TNR: variants seen among roughly 807,000 people sequenced by gnomAD.
TNR encodes tenascin-R.
A neutral mutation model predicts 150.4 loss-of-function variants in TNR; 45 were observed. That is an observed-to-expected ratio of 0.30 (90% CI 0.24 to 0.38). TNR has a LOEUF of 0.38. TNR is among the 10% of genes least tolerant of loss of function. The pLI is 1.00. For missense variants in TNR, 1,544 were observed against 1,759.1 expected (o/e 0.88, Z 2.19); for synonymous variants, 687 against 678.4 (o/e 1.01, Z -0.20).
chr1:175,498,568 G>A (rs1433915955), intron 2 of TNR, among the ~76,000 whole-genome samples: 8 of 152,192 alleles, frequency 5.3e-5, no homozygotes, highest in Admixed American at 2.6e-4. Context: ...CACAGCTCTT[G>A]TTAGCCTAAC....
intron 8 of TNR, among the ~76,000 whole-genome samples, chr1:175,381,208 G>A (rs1489074583): frequency 6.6e-6 from 1 of 152,192 alleles, no homozygotes; most frequent in African/African-American, 2.4e-5. Flanking sequence ...CTGCATTGTT[G>A]CCCCTAAATT....
In TNR at chr1:175,366,081, A is replaced by T; in HGVS notation, c.2111T>A (p.Leu704His). The change falls in exon 11 of 23, where the codon CTC becomes CAC. Residue 704 changes from leucine (L) to histidine (H), a missense_variant. Around this residue, in one of 2 missense-constraint regions of TNR, gnomAD observed 1,254 missense variants for 1,329.4 expected, o/e 0.94. Transcript: ENST00000367674. ...VTASSETSIS[L>H]IWTKASGPID... ...GGGGCCACTGGCCTTGGTCCAGATG[A>T]GGGAGATGGAGGTCTCCGAGGAGGC... 1 of 1,613,630 alleles carries T rather than the reference A, an allele frequency of 6.2e-7. No homozygotes were observed. The highest frequency in any genetic ancestry group is 8.5e-7 in the Non-Finnish European group (1 of 1,179,714).
chr1:175,337,092 T>C (rs1650286267), intron 19 of TNR, among the ~76,000 whole-genome samples: 1 of 152,078 alleles, frequency 6.6e-6, no homozygotes, highest in Non-Finnish European at 1.5e-5. Flanking sequence ...ACAGGATTTC[T>C]CCATGTTGGC....
intron 1 of TNR, among the ~76,000 whole-genome samples, chr1:175,652,070 A>C (rs992190602): frequency 1.3e-5 from 2 of 149,102 alleles, no homozygotes; most frequent in Non-Finnish European, 3.0e-5. Context: ...AAAGCTATAT[A>C]CTAAAAATCT....
At chr1:175,438,236 A>G (rs1333172190) in intron 2 of TNR, among the ~76,000 whole-genome samples, 2 of 152,238 alleles carry the variant, frequency 1.3e-5, no homozygotes, top group Non-Finnish European at 2.9e-5. Flanking sequence ...ATGCAAATCA[A>G]TAAACATAAT....
chr1:175,497,870 G>A (rs1437104293), intron 2 of TNR, among the ~76,000 whole-genome samples: 1 of 152,130 alleles, frequency 6.6e-6, no homozygotes, highest in African/African-American at 2.4e-5. Context: ...GACCAGCCTG[G>A]CCAACATGGT....
intron 1 of TNR, among the ~76,000 whole-genome samples, chr1:175,626,249 A>G (rs577055234): frequency 1.4e-4 from 22 of 152,212 alleles, no homozygotes; most frequent in African/African-American, 2.2e-4. Context: ...GCACTAATAC[A>G]TTCCTGTTCG....
rs1020841399 is a variant in TNR, at chr1:175,599,177, C to A, written c.-164-70808G>T. ...AGAAGAGAGGAGGGAGGAAGGAGAG[C>A]AGGAGGGAGGGGAAGCTGTCCCCAG... On this transcript the variant is annotated intron_variant, in intron 1 of 22. Transcript: ENST00000367674. This position sits in a 1 kb window ranked among gnomAD's most constrained non-coding sequence, Gnocchi z 4.7. Among the ~76,000 whole-genome samples, 1 of 152,070 alleles carries A rather than the reference C, an allele frequency of 6.6e-6. No individual in the cohort carries two copies. Among genetic ancestry groups the A allele is most frequent in the Non-Finnish European group, 1.5e-5 (1 of 68,004 alleles).
At chr1:175,518,279 C>T (rs188526538) in intron 2 of TNR, among the ~76,000 whole-genome samples, 60 of 152,318 alleles carry the variant, frequency 3.9e-4, no homozygotes, top group Non-Finnish European at 7.9e-4. Flanking sequence ...ATGCCTTGTA[C>T]AAGCAAGAGC....
chr1:175,670,089 C>G (rs1665649213), intron 1 of TNR, among the ~76,000 whole-genome samples: 1 of 152,238 alleles, frequency 6.6e-6, no homozygotes, highest in Admixed American at 6.5e-5. Flanking sequence ...AGTCAGCCAG[C>G]AGGAACAGGC....
chr1:175,509,016 T>C (rs1318785023), intron 2 of TNR, among the ~76,000 whole-genome samples: 8 of 152,224 alleles, frequency 5.3e-5, no homozygotes, highest in Non-Finnish European at 1.5e-5. Flanking sequence ...AAGTAGATGA[T>C]AGATTCTTTG....
chr1:175,431,936 C>CCTTCTCTCTCTCTCTCT (rs1655289440), intron 2 of TNR, among the ~76,000 whole-genome samples: 1 of 52,352 alleles, frequency 1.9e-5, no homozygotes, highest in African/African-American at 1.4e-4. Context: ...TCTCTCTCTC[C>CCTTCTCTCTCTCTCTCT]CTCTGTCTCT....
intron 2 of TNR, among the ~76,000 whole-genome samples, chr1:175,527,739 A>G (rs1296017655): frequency 1.3e-5 from 2 of 152,220 alleles, no homozygotes; most frequent in Admixed American, 1.3e-4. Flanking sequence ...CTTTAGACAT[A>G]TATATGTGGT....
At chr1:175,439,113 G>T (rs1313692670) in intron 2 of TNR, among the ~76,000 whole-genome samples, 2 of 152,164 alleles carry the variant, frequency 1.3e-5, no homozygotes, top group African/African-American at 2.4e-5. Flanking sequence ...CACGCTATCT[G>T]ACGTCAAACT....
intron 18 of TNR, among the ~76,000 whole-genome samples, chr1:175,346,198 G>A (rs1199410894): frequency 1.3e-5 from 2 of 152,160 alleles, no homozygotes; most frequent in Non-Finnish European, 2.9e-5. Context: ...AGAGTGACAA[G>A]TTCTAGAGAT....
At chr1:175,665,313 C>A (rs1187162233) in intron 1 of TNR, among the ~76,000 whole-genome samples, 1 of 152,204 alleles carries the variant, frequency 6.6e-6, no homozygotes, top group African/African-American at 2.4e-5. Context: ...TCTCTGTGAG[C>A]TGGTTTTCCT....
intron 1 of TNR, among the ~76,000 whole-genome samples, chr1:175,577,447 A>C (rs966299753): frequency 1.3e-5 from 2 of 152,098 alleles, no homozygotes; most frequent in Non-Finnish European, 1.5e-5. Context: ...TGCCTAACAC[A>C]CAACAGACAA....
At chr1:175,565,964 A>T (rs903552975) in intron 1 of TNR, among the ~76,000 whole-genome samples, 1 of 152,198 alleles carries the variant, frequency 6.6e-6, no homozygotes, top group Non-Finnish European at 1.5e-5. Context: ...CTAATAGGGG[A>T]TGGACAACAG....
At chr1:175,354,356 GAGA>G (rs1211919867) in intron 18 of TNR, 32 bp downstream of exon 18, 9 of 1,608,458 alleles carry the variant, frequency 5.6e-6, no homozygotes, top group African/African-American at 1.3e-5. Flanking sequence ...TCAGGAAGTG[GAGA>G]AGAAGGCATC....
Sources: allele counts gnomAD v4.1 joint callset (sites outside exome capture counted in the v4.1 genomes callset), GRCh38; gene constraint gnomAD v4.1.1; regional missense constraint gnomAD v4.1.1; non-coding constraint Gnocchi (gnomAD v3.1); transcripts MANE v1.5; gene names NCBI Gene and HGNC (gene_info 2026-07-23, HGNC 2026-07-21).